Variants in KCNH8 observed in about 807,000 individuals in gnomAD.
The protein encoded by KCNH8 is voltage-gated delayed rectifier potassium channel KCNH8.
In KCNH8, 70 loss-of-function variants were observed where a neutral mutation model predicts 103.6. That is an observed-to-expected ratio of 0.68 (90% confidence interval 0.56 to 0.82). The LOEUF is 0.82. KCNH8 is among the 40% of genes least tolerant of loss of function. The pLI is 0.00. For missense variants in KCNH8, 1,217 were observed against 1,329.9 expected (o/e 0.92, Z 1.32); for synonymous variants, 498 against 489.4 (o/e 1.02, Z -0.23).
intron 3 of KCNH8, among the ~76,000 whole-genome samples, chr3:19,304,760 T>C (rs1028771950): frequency 1.3e-4 from 20 of 152,164 alleles, no homozygotes; most frequent in African/African-American, 4.8e-4. Flanking sequence ...TGCTGTCCAG[T>C]ACAGTAACCA....
intron 5 of KCNH8, among the ~76,000 whole-genome samples, chr3:19,369,649 A>G (rs1449640036): frequency 6.6e-6 from 1 of 151,942 alleles, no homozygotes; most frequent in Non-Finnish European, 1.5e-5. Context: ...CAGGTTGGAA[A>G]TTGAACTCAT....
At chr3:19,322,377 G>C (rs1055513975) in intron 3 of KCNH8, among the ~76,000 whole-genome samples, 1 of 152,098 alleles carries the variant, frequency 6.6e-6, no homozygotes, top group Non-Finnish European at 1.5e-5. Context: ...TGTAGTGCTG[G>C]CTTTGCAGTG....
In KCNH8 at chr3:19,424,533, G is replaced by A. The variant is rs116763217; in HGVS notation, c.1178-13631G>A. ...CTATAATATAACATCAGAAAAACTC[G>A]TCTAGACATTGGCTTAGGCAAAGAG... On this transcript the variant is annotated intron_variant, in intron 7 of 15. Transcript: ENST00000328405. 3.9e-3 allele frequency among the ~76,000 whole-genome samples: 595 copies of A among 152,018 alleles called. 7 individuals are homozygous for A. The highest frequency in any genetic ancestry group is 0.014 in the Admixed American group (212 of 15,250).
intron 3 of KCNH8, among the ~76,000 whole-genome samples, chr3:19,341,399 C>G (rs779152770): frequency 2.6e-5 from 4 of 152,040 alleles, no homozygotes; most frequent in African/African-American, 7.2e-5. Flanking sequence ...ACCACCAGAC[C>G]ATCAACTAAT....
chr3:19,399,009 T>C (rs1321294316), intron 7 of KCNH8, among the ~76,000 whole-genome samples: 1 of 152,022 alleles, frequency 6.6e-6, no homozygotes, highest in Non-Finnish European at 1.5e-5. Flanking sequence ...AGTCAGCCTC[T>C]GAAAAATGTT....
intron 2 of KCNH8, among the ~76,000 whole-genome samples, chr3:19,275,156 G>A (rs1232693884): frequency 6.6e-6 from 1 of 151,398 alleles, no homozygotes; most frequent in African/African-American, 2.4e-5. Context: ...TAAAGATGCT[G>A]AAAAGAAAAG....
chr3:19,467,688 C>T (rs2067770956), intron 11 of KCNH8, among the ~76,000 whole-genome samples: 1 of 152,172 alleles, frequency 6.6e-6, no homozygotes, highest in African/African-American at 2.4e-5. Flanking sequence ...TCCCTGCCTC[C>T]ACTTGTATCC....
intron 7 of KCNH8, among the ~76,000 whole-genome samples, chr3:19,426,403 C>T (rs1348218342): frequency 6.6e-6 from 1 of 151,802 alleles, no homozygotes; most frequent in Non-Finnish European, 1.5e-5. Flanking sequence ...TAGGTCAAGA[C>T]TTAGGCAAGT....
At chr3:19,531,013 T>TACAA (rs2069151853) in intron 15 of KCNH8, among the ~76,000 whole-genome samples, 1 of 152,222 alleles carries the variant, frequency 6.6e-6, no homozygotes, top group African/African-American at 2.4e-5. Context: ...TGTATAAATT[T>TACAA]ACAAACATAC....
intron 2 of KCNH8, among the ~76,000 whole-genome samples, chr3:19,256,057 C>A (rs1045792165): frequency 3.3e-5 from 5 of 152,102 alleles, no homozygotes; most frequent in Admixed American, 6.6e-5. Context: ...CTCAACCTTG[C>A]CACTGTTGAC....
intron 1 of KCNH8, among the ~76,000 whole-genome samples, chr3:19,217,936 G>A (rs1159623087): frequency 6.6e-6 from 1 of 152,190 alleles, no homozygotes; most frequent in Non-Finnish European, 1.5e-5. Context: ...GTTTAGGGAT[G>A]CAGGAGGATG....
chr3:19,401,041 C>T (rs2066606172), intron 7 of KCNH8, among the ~76,000 whole-genome samples: 2 of 152,014 alleles, frequency 1.3e-5, no homozygotes, highest in African/African-American at 4.8e-5. Context: ...TTAAAGTGGA[C>T]ACTAGTGAAG....
intron 11 of KCNH8, among the ~76,000 whole-genome samples, chr3:19,484,257 A>G (rs2068155454): frequency 6.6e-6 from 1 of 152,220 alleles, no homozygotes; most frequent in African/African-American, 2.4e-5. Context: ...CATACCTTGT[A>G]CTGAGTGTCA....
intron 5 of KCNH8, among the ~76,000 whole-genome samples, chr3:19,359,583 G>A (rs1337205853): frequency 1.3e-5 from 2 of 151,924 alleles, no homozygotes; most frequent in African/African-American, 4.8e-5. Flanking sequence ...AGTTATGGAG[G>A]CTGCCCTGTA....
intron 7 of KCNH8, among the ~76,000 whole-genome samples, chr3:19,413,905 A>T (rs1222103145): frequency 6.6e-6 from 1 of 152,136 alleles, no homozygotes; most frequent in Non-Finnish European, 1.5e-5. Context: ...TGACATTTTA[A>T]TCATCAGTAA....
chr3:19,298,085 A>G (rs2065018315), intron 3 of KCNH8, among the ~76,000 whole-genome samples: 1 of 152,230 alleles, frequency 6.6e-6, no homozygotes, highest in African/African-American at 2.4e-5. Flanking sequence ...AATAATAAAT[A>G]ATAGTGCTGA....
At chr3:19,220,422 CT>C (rs2063861482) in intron 1 of KCNH8, among the ~76,000 whole-genome samples, 1 of 152,222 alleles carries the variant, frequency 6.6e-6, no homozygotes, top group African/African-American at 2.4e-5. Flanking sequence ...TGCTGAAACA[CT>C]GCTTAAGCAG....
At chr3:19,524,083 A>T (rs1418408887) in intron 15 of KCNH8, among the ~76,000 whole-genome samples, 1 of 151,882 alleles carries the variant, frequency 6.6e-6, no homozygotes, top group South Asian at 2.1e-4. Flanking sequence ...TACTACTAAT[A>T]TTTCACATAA....
Position 19,381,803 on chromosome 3 carries a change from T to C in KCNH8, c.812-8678T>C, listed in dbSNP as rs1249116536. ...AGAAAGTGAATTCGTATAGTCTCTC[T>C]ATTAAACTCTTTGCCAGTGTCTATT... is the stretch of plus-strand genomic sequence containing the variant. On this transcript the variant is annotated intron_variant, in intron 5 of 15. Coordinates refer to ENST00000328405, the MANE Select transcript of KCNH8 (RefSeq NM_144633.3). Among the ~76,000 whole-genome samples, 10 of 152,308 alleles carry C rather than the reference T, an allele frequency of 6.6e-5. No individual in the cohort carries two copies. The East Asian group carries it at 1.9e-3, about 29-fold the overall frequency.
Sources: gnomAD v4.1 joint callset for allele counts (sites outside exome capture counted in the v4.1 genomes callset) on GRCh38, gnomAD v4.1.1 for gene constraint, MANE v1.5 for transcripts, NCBI Gene and HGNC (gene_info 2026-07-23, HGNC 2026-07-21) for gene names.